METTL24: variants seen among roughly 807,000 people sequenced by gnomAD.
METTL24 encodes probable methyltransferase-like protein 24.
METTL24 carries 29 observed loss-of-function variants against 32.7 expected under a neutral mutation model. The observed-to-expected ratio is 0.89, with a 90% confidence interval of 0.66 to 1.21. METTL24 has a LOEUF of 1.21. Among genes scored for constraint, METTL24 ranks in the 50% most tolerant of loss-of-function variants. METTL24 has a pLI of 0.00. For missense variants in METTL24, 439 were observed against 468.1 expected, an observed-to-expected ratio of 0.94 and a Z score of 0.57; for synonymous variants, 163 against 179.5, an observed-to-expected ratio of 0.91 and a Z score of 0.73.
intron 4 of METTL24, among the ~76,000 whole-genome samples, chr6:110,270,781 T>G (rs1005262799): frequency 1.5e-4 from 23 of 152,180 alleles, no homozygotes; most frequent in African/African-American, 5.5e-4. Flanking sequence ...ACAAATGAGT[T>G]CTAATTGTCT....
intron 4 of METTL24, among the ~76,000 whole-genome samples, chr6:110,263,696 C>T (rs1240610266): frequency 6.6e-6 from 1 of 152,154 alleles, no homozygotes; most frequent in Non-Finnish European, 1.5e-5. Context: ...AAGCTGGAGG[C>T]GTCACGCTAC....
chr6:110,266,931 A>G (rs1053800677), intron 4 of METTL24, among the ~76,000 whole-genome samples: 1 of 152,196 alleles, frequency 6.6e-6, no homozygotes, highest in African/African-American at 2.4e-5. Flanking sequence ...ACTTTTAACA[A>G]TTTTAAGTTG....
At chr6:110,251,586 A>T (rs1778279664) in intron 4 of METTL24, among the ~76,000 whole-genome samples, 1 of 152,218 alleles carries the variant, frequency 6.6e-6, no homozygotes, top group South Asian at 2.1e-4. Flanking sequence ...ACATTAGACT[A>T]AGTAATTTAT....
chr6:110,336,465 G>T (rs1487166580), intron 1 of METTL24, among the ~76,000 whole-genome samples: 1 of 152,212 alleles, frequency 6.6e-6, no homozygotes. Flanking sequence ...TATCAGCTGG[G>T]CGCGGTGGCT....
intron 1 of METTL24, among the ~76,000 whole-genome samples, chr6:110,349,879 T>C (rs1344570931): frequency 2.0e-5 from 3 of 152,230 alleles, no homozygotes; most frequent in African/African-American, 7.2e-5. Context: ...ATTTATTAGC[T>C]TACAGAATCT....
chr6:110,266,270 C>T (rs1229157213), intron 4 of METTL24, among the ~76,000 whole-genome samples: 1 of 152,062 alleles, frequency 6.6e-6, no homozygotes, highest in Non-Finnish European at 1.5e-5. Context: ...TCAACCTAAT[C>T]TGAAATACAT....
At chr6:110,251,826 A>AT (rs376074683) in intron 4 of METTL24, among the ~76,000 whole-genome samples, 566 of 151,192 alleles carry the variant, frequency 3.7e-3, no homozygotes, top group South Asian at 8.1e-3. Flanking sequence ...ACTCAAACAC[A>AT]TCCTAAAGGC....
intron 4 of METTL24, among the ~76,000 whole-genome samples, chr6:110,254,868 G>A (rs961208528): frequency 2.3e-4 from 35 of 152,284 alleles, no homozygotes; most frequent in African/African-American, 8.4e-4. Flanking sequence ...TTTACTTAAA[G>A]TGTACCTGCA....
At position 110,256,191 on chromosome 6, in the gene METTL24, CAT is replaced by C. The variant is rs1221823196; in HGVS notation, c.787-9933_787-9932del. Among the ~76,000 whole-genome samples the C allele has an allele frequency of 2.0e-5, 3 of 152,270 alleles. 1 individual carries two copies. The highest frequency in any genetic ancestry group is 3.9e-4 in the East Asian group (2 of 5,160). On this transcript the variant is annotated intron_variant, in intron 4 of 4. Coordinates refer to ENST00000338882, the MANE Select transcript of METTL24 (RefSeq NM_001123364.3). Reference sequence around the variant, plus strand: ...CATACACACACACACAACACACACACATGACTGAGGAATGCAGCTTTGAAAAA... The same window carrying C: ...CATACACACACACACAACACACACACGACTGAGGAATGCAGCTTTGAAAAA...
intron 2 of METTL24, among the ~76,000 whole-genome samples, 181 bp from the exon 3 acceptor site, chr6:110,315,662 A>G (rs2073208): frequency 0.15 from 22,148 of 152,124 alleles, 2,031 homozygotes; most frequent in African/African-American, 0.25. Context: ...AGAAATTTCA[A>G]TTACTAGATA....
At chr6:110,323,725 GGGAC>G (rs1181038393) in intron 1 of METTL24, among the ~76,000 whole-genome samples, 1 of 152,044 alleles carries the variant, frequency 6.6e-6, no homozygotes, top group African/African-American at 2.4e-5. Flanking sequence ...CCCAGGGGTG[GGGAC>G]GGCTCGTGCA....
At chr6:110,304,870 T>C (rs1469145481) in intron 3 of METTL24, among the ~76,000 whole-genome samples, 3 of 151,950 alleles carry the variant, frequency 2.0e-5, no homozygotes, top group Admixed American at 6.6e-5. Context: ...TTCACCAAGG[T>C]TGAAACAAAA....
At chr6:110,315,654 A>G (rs2073209) in intron 2 of METTL24, among the ~76,000 whole-genome samples, 173 bp from the exon 3 acceptor site, 37,970 of 152,084 alleles carry the variant, frequency 0.25, 7,991 homozygotes, top group African/African-American at 0.57. Context: ...GTGTTTGGAG[A>G]AATTTCAATT....
chr6:110,349,215 T>C (rs920621031), intron 1 of METTL24, among the ~76,000 whole-genome samples: 31 of 152,362 alleles, frequency 2.0e-4, no homozygotes, highest in African/African-American at 7.0e-4. Flanking sequence ...CACAGCAGGA[T>C]GGTCCCTCTA....
rs541024450 is a variant in METTL24 at position 110,332,979 on chromosome 6, A to G, written c.319-10107T>C. 2.1e-4 allele frequency among the ~76,000 whole-genome samples: 32 copies of G among 151,728 alleles called. No homozygotes were observed. The South Asian group carries it at 6.5e-3, about 31-fold the overall frequency. Reference sequence around the variant, plus strand: ...TAGAAAAACACTAACCATATTTGTAAGGATTATCTCTCTCTCTCTGCCTCT... The same window carrying G: ...TAGAAAAACACTAACCATATTTGTAGGGATTATCTCTCTCTCTCTGCCTCT... On this transcript the variant is annotated intron_variant, in intron 1 of 4. Transcript: ENST00000338882.
intron 4 of METTL24, among the ~76,000 whole-genome samples, chr6:110,257,357 C>T (rs897479431): frequency 3.3e-5 from 5 of 152,158 alleles, no homozygotes; most frequent in African/African-American, 1.2e-4. Flanking sequence ...CTCTCCTGTA[C>T]AGTAGAAGCT....
intron 3 of METTL24, among the ~76,000 whole-genome samples, chr6:110,303,530 G>A (rs572107345): frequency 2.6e-5 from 4 of 152,354 alleles, no homozygotes; most frequent in African/African-American, 9.6e-5. Context: ...TCCCCTCACA[G>A]TGTAAACAAA....
intron 4 of METTL24, among the ~76,000 whole-genome samples, chr6:110,274,850 G>C (rs1771020356): frequency 7.3e-6 from 1 of 136,224 alleles, no homozygotes; most frequent in Non-Finnish European, 1.5e-5. Flanking sequence ...CCAGGCCAGA[G>C]TGCAGTGGCG....
intron 3 of METTL24, among the ~76,000 whole-genome samples, chr6:110,313,323 CA>C (rs1771759754): frequency 6.6e-6 from 1 of 152,120 alleles, no homozygotes; most frequent in African/African-American, 2.4e-5. Context: ...ACGCATGTAA[CA>C]AAATATCACA....
Sources: allele counts gnomAD v4.1 joint callset (sites outside exome capture counted in the v4.1 genomes callset), GRCh38; gene constraint gnomAD v4.1.1; transcripts MANE v1.5; gene names NCBI Gene and HGNC (gene_info 2026-07-23, HGNC 2026-07-21).